Variants in WFDC3 observed in about 807,000 individuals in gnomAD.
WFDC3 encodes the protein WAP four-disulfide core domain protein 3.
A neutral mutation model predicts 25.8 loss-of-function variants in WFDC3; 15 were observed. That is an observed-to-expected ratio of 0.58 (90% CI 0.39 to 0.89). WFDC3 has a LOEUF of 0.89. WFDC3 is among the 40% of genes least tolerant of loss of function. WFDC3 has a pLI of 0.00. For synonymous variants in WFDC3, 103 were observed against 107.1 expected (o/e 0.96, Z 0.24); for missense variants, 264 against 289.8 (o/e 0.91, Z 0.65).
chr20:45,782,246 C>T (rs1213131313), intron 4 of WFDC3, among the ~76,000 whole-genome samples: 2 of 152,180 alleles, frequency 1.3e-5, no homozygotes, highest in African/African-American at 4.8e-5. Flanking sequence ...TCTTGATACC[C>T]CGTCTCCCTC....
chr20:45,780,577 AAGAG>A (rs1161685051), intron 4 of WFDC3, among the ~76,000 whole-genome samples: 1 of 152,138 alleles, frequency 6.6e-6, no homozygotes, highest in Non-Finnish European at 1.5e-5. Flanking sequence ...AGGAATCAGG[AAGAG>A]AAATAGGAAC....
At chr20:45,775,725 C>CCAGTTTAGTTGGG in intron 5 of WFDC3, 123 bp from the exon 6 acceptor site, 1 of 1,250,636 alleles carries the variant, frequency 8.0e-7, no homozygotes, top group Non-Finnish European at 1.1e-6. Flanking sequence ...CTAGACCCAA[C>CCAGTTTAGTTGGG]TAAACTGGCT....
At position 45,786,573 on chromosome 20, in the gene WFDC3, G is replaced by A. The variant is rs148838484; in HGVS notation, c.358+1263C>T. ...CATGAAAGCGGGCATGGGATCTACC[G>A]TATTTTCCACAATATACCAGGAGCC... On this transcript the variant is annotated intron_variant, in intron 4 of 6. Transcript: ENST00000243938. Among the ~76,000 whole-genome samples the A allele has an allele frequency of 5.8e-3, 882 of 152,176 alleles. 8 individuals are homozygous for A. The highest frequency in any genetic ancestry group is 0.016 in the Admixed American group (252 of 15,276).
Position 45,789,338 on chromosome 20 carries a change from C to T in WFDC3, c.83-279G>A, listed in dbSNP as rs113617558. On this transcript the variant is annotated intron_variant, in intron 2 of 6. Coordinates refer to ENST00000243938, the MANE Select transcript of WFDC3 (RefSeq NM_080614.2). ...TGGCTAACACAGTGAAACCCCATCT[C>T]TACTAAAAATACAAAAAATTAGCTG... 0.057 allele frequency among the ~76,000 whole-genome samples: 8,702 copies of T among 151,928 alleles called. 622 individuals carry two copies. The highest frequency in any genetic ancestry group is 0.16 in the African/African-American group (6,749 of 41,384).
In WFDC3 at chr20:45,777,334, T is replaced by C. The variant is rs1211669687; in HGVS notation, c.359-125A>G. On this transcript the variant is annotated intron_variant, in intron 4 of 6. Coordinates refer to ENST00000243938, the MANE Select transcript of WFDC3 (RefSeq NM_080614.2). ...TACATATATAATGTAAATATTTATG[T>C]GTATCATGTATCTGCAATACATCTG... 1.5e-5 allele frequency: 16 copies of C among 1,061,886 alleles called. No individual in the cohort carries two copies. In the Admixed American group the frequency reaches 7.1e-4, roughly 47 times the overall value. The allele number at this position is 1,061,886 out of a possible 1,614,324, so 65.8% of individuals were successfully genotyped here.
Position 45,781,507 on chromosome 20 carries a change from C to T in WFDC3, c.359-4298G>A, listed in dbSNP as rs185503383. ...TCATACCCATGGCTATGATTTATTA[C>T]AGCAAAAGGATACAAAGAAAAATCA... is the stretch of plus-strand genomic sequence containing the variant. On this transcript the variant is annotated intron_variant, in intron 4 of 6. Coordinates refer to ENST00000243938, the MANE Select transcript of WFDC3 (RefSeq NM_080614.2). Among the ~76,000 whole-genome samples the T allele has an allele frequency of 5.7e-3, 861 of 152,306 alleles. 6 individuals carry two copies. Among genetic ancestry groups the T allele is most frequent in the Admixed American group, 0.014 (211 of 15,286 alleles).
chr20:45,778,734 C>A (rs1200938899), intron 4 of WFDC3: 1 of 152,022 alleles, frequency 6.6e-6, no homozygotes, highest in Non-Finnish European at 1.5e-5. Flanking sequence ...GCACTCCCCT[C>A]GACAAGGATG....
chr20:45,774,988 AC>A (rs1236282418), intron 6 of WFDC3, among the ~76,000 whole-genome samples: 1 of 145,644 alleles, frequency 6.9e-6, no homozygotes, highest in African/African-American at 2.5e-5. Context: ...TCCTTTACCC[AC>A]CCTGCCCCCA....
Position 45,775,460 on chromosome 20 carries a change from C to A in WFDC3, c.636G>T (p.Leu212=), listed in dbSNP as rs1319890310. The change falls in exon 6 of 7, where the codon CTG becomes CTT. Residue 212 remains leucine, a synonymous_variant. Transcript: ENST00000243938. ...TCACAGTCCAGTTGGGGTTCATGGTCAGTTTTGGGGGCAGGACTGGTGGGA... is the reference window on the plus strand; with the variant it reads ...TCACAGTCCAGTTGGGGTTCATGGTAAGTTTTGGGGGCAGGACTGGTGGGA... ...FCVPPVLPPK[L]TMNPNWTVRS... 1.9e-6 allele frequency: 3 copies of A among 1,614,110 alleles called. No homozygotes were observed. In the African/African-American group the frequency reaches 4.0e-5, roughly 22 times the overall value.
At chr20:45,789,820 G>C in intron 2 of WFDC3, 74 bp downstream of exon 2, 1 of 1,358,426 alleles carries the variant, frequency 7.4e-7, no homozygotes, top group Non-Finnish European at 1.1e-6. Flanking sequence ...TCTGGGAGAA[G>C]GCAGGGGATG....
intron 4 of WFDC3, among the ~76,000 whole-genome samples, chr20:45,787,611 G>C (rs1158661196): frequency 6.6e-6 from 1 of 152,020 alleles, no homozygotes; most frequent in Non-Finnish European, 1.5e-5. Flanking sequence ...TTTCAAAGCA[G>C]TCTGCAAATG....
Position 45,774,433 on chromosome 20 carries a change from G to A in WFDC3, c.691C>T (p.Pro231Ser). 1 of 1,614,112 alleles carries A rather than the reference G, an allele frequency of 6.2e-7. No homozygotes were observed. The highest frequency in any genetic ancestry group is 8.5e-7 in the Non-Finnish European group (1 of 1,180,012). Reference protein sequence around the residue: ...RSDSELEIPVP With the variant: ...RSDSELEIPVS ...CTCCAGACAAATCAGCACAGCTAGG[G>A]CACCGGGATCTCTGCAAGTAGAAGA... is the stretch of plus-strand genomic sequence containing the variant. Residue 231 changes from proline to serine, a missense_variant, in exon 7 of 7, where the codon CCC (proline) becomes TCC (serine). By Grantham distance (74) the Pro-to-Ser change is moderately conservative. Coordinates refer to ENST00000243938, the MANE Select transcript of WFDC3 (RefSeq NM_080614.2).
In WFDC3 at chr20:45,787,941, A is replaced by T. The variant is rs368331986; in HGVS notation, c.253T>A (p.Cys85Ser). Residue 85 changes from cysteine to serine, a missense_variant, in exon 4 of 7, where the codon TGT (cysteine) becomes AGT (serine). Cys to Ser is a moderately radical substitution (Grantham distance 112). Transcript: ENST00000243938. ...TCATCAGTGATGCACCTTTTCAAAC[A>T]GGATTGTTTCCGAATAACCCTAGGG... is the stretch of plus-strand genomic sequence containing the variant. ...DCPRVIRKQS[C>S]LKRCITDETC... 6.2e-7 allele frequency: 1 copy of T among 1,613,974 alleles called. No individual in the cohort carries two copies. The highest frequency in any genetic ancestry group is 1.1e-5 in the South Asian group (1 of 91,064).
At chr20:45,774,617 A>T (rs923681914) in intron 6 of WFDC3, among the ~76,000 whole-genome samples, 173 bp from the exon 7 acceptor site, 1 of 152,156 alleles carries the variant, frequency 6.6e-6, no homozygotes, top group Admixed American at 6.5e-5. Context: ...CTTATTATTC[A>T]GATGTCAACC....
At chr20:45,788,116 C>A (rs1423304760) in intron 3 of WFDC3, 134 bp from the exon 4 acceptor site, 4 of 873,336 alleles carry the variant, frequency 4.6e-6, no homozygotes, top group Non-Finnish European at 6.5e-6. Context: ...ACAGCCTGGC[C>A]AACATGGAGA....
intron 5 of WFDC3, among the ~76,000 whole-genome samples, chr20:45,776,708 GC>G (rs1213312635): frequency 6.8e-6 from 1 of 147,536 alleles, no homozygotes; most frequent in African/African-American, 2.5e-5. Flanking sequence ...CAGGGGAGAA[GC>G]TTTTTGTTAA....
In WFDC3 at chr20:45,787,093, CAAAAAAAA is replaced by C. The variant is rs71181858; in HGVS notation, c.358+735_358+742del. 2.2e-4 allele frequency among the ~76,000 whole-genome samples: 6 copies of C among 26,818 alleles called. 1 individual carries two copies. The East Asian group carries it at 5.4e-3, about 24-fold the overall frequency. 17.6% of individuals were successfully genotyped at this position (26,818 alleles called of 152,430 possible). On this transcript the variant is annotated intron_variant, in intron 4 of 6. Coordinates refer to ENST00000243938, the MANE Select transcript of WFDC3 (RefSeq NM_080614.2). ...TGGGAGACAGAGCAAGACTCTCTCTCAAAAAAAAAAAAAAAAAAAAAAAAAGAATCTCG... is the reference window on the plus strand; with the variant it reads ...TGGGAGACAGAGCAAGACTCTCTCTCAAAAAAAAAAAAAAAAAGAATCTCG...
At chr20:45,786,868 G>C (rs1237054893) in intron 4 of WFDC3, among the ~76,000 whole-genome samples, 2 of 152,068 alleles carry the variant, frequency 1.3e-5, no homozygotes, top group Non-Finnish European at 2.9e-5. Context: ...GCTGAGGTGG[G>C]TGGATCACGA....
chr20:45,774,310 G>C lies in WFDC3; in HGVS notation c.*118C>G, dbSNP rs1253049564. On this transcript the variant is annotated 3_prime_UTR_variant, in exon 7 of 7. Coordinates refer to ENST00000243938, the MANE Select transcript of WFDC3 (RefSeq NM_080614.2). ...CTGGTCAGCGGCAGGAGGAGAAGCA[G>C]AGCAGAGAGGGCCATGAGTGCCCCT... The C allele has an allele frequency of 7.2e-7, 1 of 1,389,680 alleles. No homozygotes were observed. The highest frequency in any genetic ancestry group is 1.7e-5 in the Admixed American group (1 of 59,330). 86.1% of individuals were successfully genotyped at this position (1,389,680 alleles called of 1,614,324 possible).
Sources: gnomAD v4.1 joint callset for allele counts (sites outside exome capture counted in the v4.1 genomes callset) on GRCh38, gnomAD v4.1.1 for gene constraint, MANE v1.5 for transcripts, NCBI Gene and HGNC (gene_info 2026-07-23, HGNC 2026-07-21) for gene names.